Variants in FAM193B observed in about 807,000 individuals in gnomAD.
FAM193B encodes family with sequence similarity 193 member B, also known as protein FAM193B.
In FAM193B, 27 loss-of-function variants were observed where a neutral mutation model predicts 70.7. The observed-to-expected ratio is 0.38, with a 90% CI of 0.28 to 0.53. FAM193B has a LOEUF of 0.53. FAM193B is among the 20% of genes least tolerant of loss of function. The pLI is 0.81. For missense variants in FAM193B, 1,022 were observed against 1,072.5 expected, an observed-to-expected ratio of 0.95 and a Z score of 0.66; for synonymous variants, 448 against 436.0, an observed-to-expected ratio of 1.03 and a Z score of -0.34.
chr5:177,547,443 C>A (rs1765595397), intron 1 of FAM193B, among the ~76,000 whole-genome samples: 1 of 150,616 alleles, frequency 6.6e-6, no homozygotes, highest in Admixed American at 6.6e-5. Context: ...CGCCACCATG[C>A]CCGGCTAATT....
intron 1 of FAM193B, among the ~76,000 whole-genome samples, chr5:177,552,783 T>C (rs1352627945): frequency 6.6e-6 from 1 of 152,160 alleles, no homozygotes; most frequent in African/African-American, 2.4e-5. Flanking sequence ...CTTCTGACAC[T>C]CAGTAAGTGC....
In FAM193B at chr5:177,554,419, T is replaced by G; in HGVS notation, c.40A>C (p.Arg14=). 1 of 1,104,862 alleles carries G rather than the reference T, an allele frequency of 9.1e-7. No individual in the cohort carries two copies. The highest frequency in any genetic ancestry group is 1.1e-6 in the Non-Finnish European group (1 of 908,840). 68.4% of individuals were successfully genotyped at this position (1,104,862 alleles called of 1,614,324 possible). A position where few individuals can be genotyped will look rare whatever the true frequency, so the allele number is the denominator to read the frequency against. Residue 14 remains arginine (R), a synonymous_variant, in exon 1 of 9, where the codon AGG becomes CGG. Coordinates refer to ENST00000514747, the MANE Select transcript of FAM193B (RefSeq NM_001190946.3). ...CCCGCGGCCCGAGCCCGCTCGCGCC[T>G]GCCCGCACCGCCGCTCGGCCTGCTC... ...RRSRPSGGAG[R]RERARAAGPQ...
chr5:177,524,795 G>A lies in FAM193B; in HGVS notation c.1686C>T (p.Gly562=). The change falls in exon 6 of 9, where the codon GGC becomes GGT. Residue 562 remains glycine, a synonymous_variant. Transcript: ENST00000514747. ...EPAPPWAEMR[G]PHPPWTEVRG... is the part of the protein sequence containing the mutation. The stretch of plus-strand genomic sequence containing the variant: ...TCACCTCTGTCCATGGTGGGTGGGG[G>A]CCTCTCATTTCTGCCCATGGTGGGG... The A allele has an allele frequency of 1.3e-6, 2 of 1,513,908 alleles. No homozygotes were observed. Among genetic ancestry groups the A allele is most frequent in the South Asian group, 1.3e-5 (1 of 74,498 alleles). The allele number at this position is 1,513,908 out of a possible 1,614,324, so 93.8% of individuals were successfully genotyped here. A position where few individuals can be genotyped will look rare whatever the true frequency, so the allele number is the denominator to read the frequency against.
chr5:177,538,178 C>G lies in FAM193B; in HGVS notation c.454-71G>C. ...CGGAGCTGACCCTCTGCTGCCTCAGCTTTTCCTGAGGGAGCTCCTTCTCCT... is the reference window on the plus strand; with the variant it reads ...CGGAGCTGACCCTCTGCTGCCTCAGGTTTTCCTGAGGGAGCTCCTTCTCCT... On this transcript the variant is annotated intron_variant, in intron 2 of 8. Transcript: ENST00000514747. This position sits in a 1 kb window ranked among gnomAD's most constrained non-coding sequence, Gnocchi z 4.1. The G allele has an allele frequency of 6.9e-7, 1 of 1,441,172 alleles. No homozygotes were observed. Among genetic ancestry groups the G allele is most frequent in the Non-Finnish European group, 9.2e-7 (1 of 1,082,646 alleles). The allele number at this position is 1,441,172 out of a possible 1,614,324, so 89.3% of individuals were successfully genotyped here.
chr5:177,524,587 C>T lies in FAM193B; in HGVS notation c.1894G>A (p.Gly632Arg), dbSNP rs763892426. Residue 632 changes from glycine (G) to arginine (R), a missense_variant, in exon 6 of 9, where the codon GGG becomes AGG. Gly to Arg is a moderately radical substitution (Grantham distance 125, BLOSUM62 -2). Transcript: ENST00000514747. The part of the protein sequence containing the change: ...QELPEPVSSG[G>R]KPQKGKRQGS... ...TGCCTCTTGCCCTTCTGTGGCTTCC[C>T]ACCTGAGGACACAGGCTCAGGCAGC... The T allele has an allele frequency of 6.2e-6, 10 of 1,610,260 alleles. No individual in the cohort carries two copies. Among genetic ancestry groups the T allele is most frequent in the Non-Finnish European group, 8.5e-6 (10 of 1,178,418 alleles).
chr5:177,531,576 C>A (rs974020202), intron 5 of FAM193B: 5 of 1,196,068 alleles, frequency 4.2e-6, no homozygotes, highest in Non-Finnish European at 5.4e-6. Flanking sequence ...GGGCCCACAG[C>A]ACTCCCTCCC....
In FAM193B at chr5:177,535,131, G is replaced by A. The variant is rs1209685395; in HGVS notation, c.1076+1227C>T. Among the ~76,000 whole-genome samples, 3 of 152,194 alleles carry A rather than the reference G, an allele frequency of 2.0e-5. 1 individual carries two copies. Among genetic ancestry groups the A allele is most frequent in the Admixed American group, 2.0e-4 (3 of 15,284 alleles). ...ATTCCAACAAGAAAAATCCAAAAGAGGAAAAAGGCTTTAAGAAAAGACATC... is the reference window on the plus strand; with the variant it reads ...ATTCCAACAAGAAAAATCCAAAAGAAGAAAAAGGCTTTAAGAAAAGACATC... On this transcript the variant is annotated intron_variant, in intron 4 of 8. Transcript: ENST00000514747.
chr5:177,553,285 C>T, intron 1 of FAM193B: 2 of 987,856 alleles, frequency 2.0e-6, no homozygotes, highest in Non-Finnish European at 2.4e-6. Context: ...ACGCATCTTC[C>T]GCCACGCCTC....
intron 1 of FAM193B, chr5:177,553,459 A>G (rs1485409742): frequency 1.8e-6 from 2 of 1,102,320 alleles, no homozygotes; most frequent in Non-Finnish European, 1.1e-6. Flanking sequence ...ACCGTGGCCC[A>G]TGTCACCCCC....
Position 177,551,171 on chromosome 5 carries a change from C to T in FAM193B, c.210+3078G>A, listed in dbSNP as rs537566971. Among the ~76,000 whole-genome samples the T allele has an allele frequency of 5.9e-5, 9 of 152,252 alleles. No homozygotes were observed. In the South Asian group the frequency reaches 1.2e-3, roughly 21 times the overall value. Reference sequence around the variant, plus strand: ...GATGGGGTCAGAGAGAAGCAACTTGCGGAGTCACAAAGCTAGGAGGCTAAG... The same window carrying T: ...GATGGGGTCAGAGAGAAGCAACTTGTGGAGTCACAAAGCTAGGAGGCTAAG... On this transcript the variant is annotated intron_variant, in intron 1 of 8. Coordinates refer to ENST00000514747, the MANE Select transcript of FAM193B (RefSeq NM_001190946.3).
Position 177,537,934 on chromosome 5 carries a change from A to G in FAM193B, c.627T>C (p.Asn209=), listed in dbSNP as rs760851792. The part of the protein sequence containing the change: ...LSAHKLSGLW[N]SPHSSGAMPG... ...GCATGGCCCCACTGGAATGTGGGGAATTCCAGAGGCCCGAGAGCTTATGTG... is the reference window on the plus strand; with the variant it reads ...GCATGGCCCCACTGGAATGTGGGGAGTTCCAGAGGCCCGAGAGCTTATGTG... The change falls in exon 3 of 9, where the codon AAT becomes AAC. Residue 209 remains asparagine, a synonymous_variant. Coordinates refer to ENST00000514747, the MANE Select transcript of FAM193B (RefSeq NM_001190946.3). The G allele has an allele frequency of 1.3e-6, 2 of 1,591,162 alleles. No individual in the cohort carries two copies. The highest frequency in any genetic ancestry group is 1.3e-5 in the African/African-American group (1 of 74,560).
chr5:177,552,184 G>T, intron 1 of FAM193B: 1 of 552,160 alleles, frequency 1.8e-6, no homozygotes, highest in Non-Finnish European at 2.3e-6. Context: ...ATCAATATTT[G>T]TTAACCACCA....
At chr5:177,547,294 T>TTTTTTTTTC in intron 1 of FAM193B, 1 of 122,070 alleles carries the variant, frequency 8.2e-6, no homozygotes, top group African/African-American at 3.3e-5. Context: ...TTCTTTTTTT[T>TTTTTTTTTC]TTTTTTTTGA....
Position 177,532,684 on chromosome 5 carries a change from C to T in FAM193B, c.1077-43G>A, listed in dbSNP as rs779689990. On this transcript the variant is annotated intron_variant, in intron 4 of 8. Coordinates refer to ENST00000514747, the MANE Select transcript of FAM193B (RefSeq NM_001190946.3). This position sits in a 1 kb window ranked among gnomAD's most constrained non-coding sequence, Gnocchi z 4.9. Reference sequence around the variant, plus strand: ...GGCCCAGAGGTGAGGCAGGGTGATGCAGAAACCCAGGAAGCATCCCAACCA... The same window carrying T: ...GGCCCAGAGGTGAGGCAGGGTGATGTAGAAACCCAGGAAGCATCCCAACCA... 4.8e-6 allele frequency: 7 copies of T among 1,455,972 alleles called. No individual in the cohort carries two copies. The highest frequency in any genetic ancestry group is 6.3e-6 in the Non-Finnish European group (7 of 1,112,162). The allele number at this position is 1,455,972 out of a possible 1,614,324, so 90.2% of individuals were successfully genotyped here.
rs781558252 is a variant in FAM193B, at chr5:177,536,693, G to A, written c.741C>T (p.Pro247=). Residue 247 remains proline (P), a synonymous_variant, in exon 4 of 9, where the codon CCC becomes CCT. Coordinates refer to ENST00000514747, the MANE Select transcript of FAM193B (RefSeq NM_001190946.3). ...GGTGGTGGCCGGTGGGGCTGTTAGG[G>A]GGAGCAGTGAGGTCTGAGTGCTGGT... ...EHHQHSDLTA[P]PNSPTGHHPQ... 2 of 1,558,908 alleles carry A rather than the reference G, an allele frequency of 1.3e-6. No homozygotes were observed. Among genetic ancestry groups the A allele is most frequent in the Non-Finnish European group, 1.7e-6 (2 of 1,155,082 alleles).
intron 5 of FAM193B, among the ~76,000 whole-genome samples, chr5:177,529,734 G>A (rs904035509): frequency 6.6e-5 from 10 of 152,284 alleles, no homozygotes; most frequent in African/African-American, 2.2e-4. Context: ...ACATATTTAC[G>A]AAAAGCACAT....
At chr5:177,539,582 C>T (rs1181886032) in intron 1 of FAM193B, among the ~76,000 whole-genome samples, 1 of 152,214 alleles carries the variant, frequency 6.6e-6, no homozygotes, top group Non-Finnish European at 1.5e-5. Context: ...TGCTTTTAGT[C>T]AGTGGACAGT....
intron 1 of FAM193B, chr5:177,552,068 C>A (rs962561091): frequency 2.0e-6 from 2 of 985,250 alleles, no homozygotes; most frequent in South Asian, 4.7e-5. Context: ...TTTCTTTTGT[C>A]TGACACCTAC....
intron 1 of FAM193B, among the ~76,000 whole-genome samples, chr5:177,546,520 A>C (rs911439766): frequency 6.6e-6 from 1 of 152,268 alleles, no homozygotes; most frequent in African/African-American, 2.4e-5. Context: ...GAGCCAAAAC[A>C]GTGCATTTCC....
Sources: allele counts gnomAD v4.1 joint callset (sites outside exome capture counted in the v4.1 genomes callset), GRCh38; gene constraint gnomAD v4.1.1; non-coding constraint Gnocchi (gnomAD v3.1); transcripts MANE v1.5; gene names NCBI Gene and HGNC (gene_info 2026-07-23, HGNC 2026-07-21).